The following DDX47 variants were observed in gnomAD, a reference collection of about 807,000 sequenced individuals.
The protein encoded by DDX47 is probable ATP-dependent RNA helicase DDX47.
Under a neutral mutation model 58.8 loss-of-function variants are expected in DDX47, and 60 were observed. That is an observed-to-expected ratio of 1.02 (90% CI 0.83 to 1.26). DDX47 has a LOEUF of 1.26. Ranked by LOEUF, DDX47 falls within the 50% of genes most tolerant of loss-of-function variation. The pLI, the probability that DDX47 is intolerant of heterozygous loss-of-function variation, is 0.00. For missense variants in DDX47, 530 were observed against 573.2 expected (o/e 0.92, Z 0.77); for synonymous variants, 197 against 204.6 (o/e 0.96, Z 0.32).
At chr12:12,824,261 C>A in intron 8 of DDX47, 1 of 580,928 alleles carries the variant, frequency 1.7e-6, no homozygotes, top group Non-Finnish European at 2.9e-6. Context: ...ATTTATTCAG[C>A]CCTAGTGGTA....
At chr12:12,818,483 T>G (rs1862927832) in intron 2 of DDX47, among the ~76,000 whole-genome samples, 1 of 151,524 alleles carries the variant, frequency 6.6e-6, no homozygotes, top group Non-Finnish European at 1.5e-5. Flanking sequence ...ATCTCGCCAC[T>G]GCACCCCAGC....
chr12:12,823,083 C>G, intron 6 of DDX47, 120 bp from the exon 7 acceptor site: 2 of 731,414 alleles, frequency 2.7e-6, no homozygotes, highest in Admixed American at 2.1e-5. Flanking sequence ...CCAGGTCCCT[C>G]CCGTGACATG....
At chr12:12,822,542 C>T in intron 5 of DDX47, 119 bp from the exon 6 acceptor site, 1 of 771,716 alleles carries the variant, frequency 1.3e-6, no homozygotes. Flanking sequence ...ATTTTCGAGT[C>T]CCAAATCTTC....
intron 4 of DDX47, 55 bp downstream of exon 4, chr12:12,821,781 A>G: frequency 7.0e-7 from 1 of 1,423,428 alleles, no homozygotes; most frequent in Non-Finnish European, 9.9e-7. Flanking sequence ...GAGAAAATCT[A>G]CCAGTGTTGG....
At chr12:12,823,616 C>T (rs1863006236) in intron 7 of DDX47, 1 of 550,544 alleles carries the variant, frequency 1.8e-6, no homozygotes, top group Non-Finnish European at 3.2e-6. Context: ...TAGGATGAAG[C>T]CCCTGGTTTT....
chr12:12,821,191 A>C lies in DDX47; in HGVS notation c.182-17A>C. 1 of 1,613,466 alleles carries C rather than the reference A, an allele frequency of 6.2e-7. No individual in the cohort carries two copies. The highest frequency in any genetic ancestry group is 1.1e-5 in the South Asian group (1 of 91,036). ...CGCAAAGAGATTACTTGGCTGTTGAATTTCTTTTTCTTTTAGGTCGTGATA... is the reference window on the plus strand; with the variant it reads ...CGCAAAGAGATTACTTGGCTGTTGACTTTCTTTTTCTTTTAGGTCGTGATA... On this transcript the variant is annotated splice_polypyrimidine_tract_variant and intron_variant, in intron 2 of 11. Transcript: ENST00000358007.
rs151266787 is a variant in DDX47 at position 12,825,196 on chromosome 12, T to G, written c.1035+519T>G. On this transcript the variant is annotated intron_variant, in intron 9 of 11. Transcript: ENST00000358007. ...GTTAGTCAGGACGGTCTTGATCTCC[T>G]GACCTCGTGATCTGCCCACCTCGGC... is the stretch of plus-strand genomic sequence containing the variant. 6.5e-3 allele frequency: 1,001 copies of G among 153,232 alleles called. 3 individuals are homozygous for G. Among genetic ancestry groups the G allele is most frequent in the Admixed American group, 0.013 (197 of 15,360 alleles). 9.5% of individuals were successfully genotyped at this position (153,232 alleles called of 1,614,324 possible).
chr12:12,815,477 A>C (rs1335054256), intron 2 of DDX47, among the ~76,000 whole-genome samples: 1 of 152,238 alleles, frequency 6.6e-6, no homozygotes, highest in Non-Finnish European at 1.5e-5. Context: ...CAGGGACCTA[A>C]GAAAGTTACA....
chr12:12,817,470 T>C (rs947529871), intron 2 of DDX47, among the ~76,000 whole-genome samples: 3 of 152,164 alleles, frequency 2.0e-5, no homozygotes, highest in African/African-American at 7.2e-5. Context: ...CCGAGGACTT[T>C]GGGAGGCTGA....
At position 12,822,670 on chromosome 12, in the gene DDX47, A is replaced by G. The variant is rs779726921; in HGVS notation, c.571A>G (p.Ile191Val). Residue 191 changes from isoleucine (I) to valine (V), a missense_variant, in exon 6 of 12, where the codon ATC becomes GTC. Transcript: ENST00000358007. ...NMDFETEVDK[I>V]LKVIPRDRKT... ...CCTCTTTGTGCTTTAGGTTGACAAG[A>G]TCCTCAAAGTGATTCCTCGAGATCG... The G allele has an allele frequency of 4.3e-6, 7 of 1,613,948 alleles. No individual in the cohort carries two copies. Among genetic ancestry groups the G allele is most frequent in the Admixed American group, 1.7e-5 (1 of 60,008 alleles).
chr12:12,813,907 GA>G (rs1862852810), intron 1 of DDX47, among the ~76,000 whole-genome samples: 1 of 152,216 alleles, frequency 6.6e-6, no homozygotes, highest in African/African-American at 2.4e-5. Context: ...TAAATGAGAT[GA>G]TACATGTAAA....
chr12:12,813,419 G>A lies in DDX47; in HGVS notation c.52G>A (p.Val18Met). The change falls in exon 1 of 12, where the codon GTG becomes ATG. Residue 18 changes from valine to methionine, a missense_variant. Val to Met is a conservative substitution (Grantham distance 21). Transcript: ENST00000358007. ...TCCGACCGAAGCGTCCCAGCCGATT[G>A]TGGAAGAGGAGGAAACTAAAACATT... is the stretch of plus-strand genomic sequence containing the variant. ...DSPTEASQPI[V>M]EEEETKTFKD... is the part of the protein sequence containing the mutation. 6.2e-7 allele frequency: 1 copy of A among 1,613,316 alleles called. No homozygotes were observed. Among genetic ancestry groups the A allele is most frequent in the Admixed American group, 1.7e-5 (1 of 59,938 alleles).
intron 2 of DDX47, among the ~76,000 whole-genome samples, chr12:12,819,730 A>G (rs894797845): frequency 1.3e-5 from 2 of 152,188 alleles, no homozygotes; most frequent in Non-Finnish European, 2.9e-5. Context: ...TTTCCTCACC[A>G]GGACTAATTT....
rs534772623 is a variant in DDX47 at position 12,827,133 on chromosome 12, A to G, written c.1107-113A>G. The stretch of plus-strand genomic sequence containing the variant: ...TATTTAGAAAAGAAATAATATGTTC[A>G]ATATTGTTTAAACCTATGGTTCCTA... On this transcript the variant is annotated intron_variant, in intron 10 of 11. Coordinates refer to ENST00000358007, the MANE Select transcript of DDX47 (RefSeq NM_016355.4). 61 of 1,286,326 alleles carry G rather than the reference A, an allele frequency of 4.7e-5. No individual in the cohort carries two copies. The East Asian group carries it at 1.2e-3, about 26-fold the overall frequency. The allele number at this position is 1,286,326 out of a possible 1,614,324, so 79.7% of individuals were successfully genotyped here.
chr12:12,821,105 A>T, intron 2 of DDX47, 103 bp from the exon 3 acceptor site: 1 of 1,180,738 alleles, frequency 8.5e-7, no homozygotes, highest in Non-Finnish European at 1.2e-6. Flanking sequence ...AGTTCATCAG[A>T]TATTTATTAA....
In DDX47 at chr12:12,829,652, T is replaced by C; in HGVS notation, c.*98T>C. Reference sequence around the variant, plus strand: ...ATCATGAGACTGAAATTGGTCAGAATTGTGTCCAGAATGTGCTCAGCTAAT... The same window carrying C: ...ATCATGAGACTGAAATTGGTCAGAACTGTGTCCAGAATGTGCTCAGCTAAT... On this transcript the variant is annotated 3_prime_UTR_variant, in exon 12 of 12. Coordinates refer to ENST00000358007, the MANE Select transcript of DDX47 (RefSeq NM_016355.4). The C allele has an allele frequency of 1.4e-6, 2 of 1,451,290 alleles. No homozygotes were observed. The highest frequency in any genetic ancestry group is 2.4e-5 in the Admixed American group (1 of 41,826). The allele number at this position is 1,451,290 out of a possible 1,614,324, so 89.9% of individuals were successfully genotyped here. A position where few individuals can be genotyped will look rare whatever the true frequency, so the allele number is the denominator to read the frequency against.
chr12:12,827,083 A>G (rs1347433678), intron 10 of DDX47, among the ~76,000 whole-genome samples, 163 bp from the exon 11 acceptor site: 2 of 152,232 alleles, frequency 1.3e-5, no homozygotes, highest in Admixed American at 1.3e-4. Context: ...CTAATGGGCT[A>G]TGCACAGAGA....
chr12:12,823,166 A>T, intron 6 of DDX47, 37 bp from the exon 7 acceptor site: 1 of 1,243,554 alleles, frequency 8.0e-7, no homozygotes, highest in Non-Finnish European at 1.2e-6. Context: ...AAGAGTGTTT[A>T]GGCATCAGTG....
At chr12:12,825,471 C>CG (rs1863038900) in intron 9 of DDX47, among the ~76,000 whole-genome samples, 1 of 151,846 alleles carries the variant, frequency 6.6e-6, no homozygotes, top group Admixed American at 6.6e-5. Flanking sequence ...TACCAGTGTC[C>CG]CTTGAGGATG....
Sources: gnomAD v4.1 joint callset for allele counts (sites outside exome capture counted in the v4.1 genomes callset) on GRCh38, gnomAD v4.1.1 for gene constraint, MANE v1.5 for transcripts, NCBI Gene and HGNC (gene_info 2026-07-23, HGNC 2026-07-21) for gene names.